The following TMEM26 variants were observed in gnomAD, a reference collection of about 807,000 sequenced individuals.
The protein encoded by TMEM26 is transmembrane protein 26.
A neutral mutation model predicts 28.8 loss-of-function variants in TMEM26; 38 were observed. That is an observed-to-expected ratio of 1.32 (90% CI 1.02 to 1.73). The LOEUF (loss-of-function observed/expected upper bound fraction) is 1.73, where lower values mean the gene tolerates loss of function less well. Among genes scored for constraint, TMEM26 ranks in the 40% most tolerant of loss-of-function variants. The probability of loss-of-function intolerance (pLI) is 0.00; values close to 1 mark genes in which losing one functional copy is unlikely to be tolerated. For synonymous variants in TMEM26, 227 were observed against 182.9 expected, an observed-to-expected ratio of 1.24 and a Z score of -1.95; for missense variants, 518 against 447.1, an observed-to-expected ratio of 1.16 and a Z score of -1.43.
At chr10:61,419,014 C>A (rs1238498583) in intron 4 of TMEM26, among the ~76,000 whole-genome samples, 1 of 152,006 alleles carries the variant, frequency 6.6e-6, no homozygotes, top group Non-Finnish European at 1.5e-5. Flanking sequence ...ATTGACTGAC[C>A]AAAAACTACA....
chr10:61,428,947 G>A lies in TMEM26; in HGVS notation c.584C>T (p.Thr195Ile), dbSNP rs374593137. 4.3e-6 allele frequency: 7 copies of A among 1,612,882 alleles called. No homozygotes were observed. In the African/African-American group the frequency reaches 9.4e-5, roughly 22 times the overall value. ...TCACCTCACATTTTGTTCTTCTAGG[G>A]TCTCACTTGTGAATTCCAGTATGTC... ...AADILEFTSE[T>I]LEEQNVRNSP... The change falls in exon 4 of 6, where the codon ACC (threonine) becomes ATC (isoleucine). Residue 195 changes from threonine (T) to isoleucine (I), a missense_variant. Physicochemically the swap from Thr to Ile is moderately conservative, Grantham distance 89. Transcript: ENST00000399298.
chr10:61,445,663 G>A (rs545323651), intron 1 of TMEM26, among the ~76,000 whole-genome samples: 2 of 150,958 alleles, frequency 1.3e-5, no homozygotes, highest in African/African-American at 4.9e-5. Context: ...ATTTCATAAA[G>A]TGCCTACATT....
At chr10:61,450,709 T>C (rs547423143) in intron 1 of TMEM26, among the ~76,000 whole-genome samples, 1 of 152,168 alleles carries the variant, frequency 6.6e-6, no homozygotes, top group South Asian at 2.1e-4. Flanking sequence ...TTTCCTTGAA[T>C]TCATGTTATA....
chr10:61,422,646 AAGCAGTGCTTACAGGAAAATTCACACTTC>A (rs1216255336), intron 4 of TMEM26, among the ~76,000 whole-genome samples: 1 of 152,172 alleles, frequency 6.6e-6, no homozygotes, highest in African/African-American at 2.4e-5. Context: ...GGTGCAGGCA[AAGCAGTGCTTACAGGAAAATTCACACTTC>A]AGATGTCTGT....
intron 3 of TMEM26, 75 bp downstream of exon 3, chr10:61,431,144 T>C: frequency 8.7e-7 from 1 of 1,152,836 alleles, no homozygotes; most frequent in Non-Finnish European, 1.3e-6. Context: ...GGGAAGCATG[T>C]ATAGCAGGTA....
chr10:61,414,891 C>T, intron 4 of TMEM26: 1 of 728,830 alleles, frequency 1.4e-6, no homozygotes, highest in Non-Finnish European at 1.7e-6. Flanking sequence ...GAAAAAGTCT[C>T]CCATAGTGTC....
chr10:61,429,014 G>A lies in TMEM26; in HGVS notation c.517C>T (p.Gln173Ter). 1.9e-6 allele frequency: 3 copies of A among 1,613,258 alleles called. No homozygotes were observed. The highest frequency in any genetic ancestry group is 2.5e-6 in the Non-Finnish European group (3 of 1,179,420). ...LPIGGGITRD[Q>*]LSQLLLMFVG... ...AACATAAGAAGAAGTTGAGAGAGTT[G>A]ATCTCGAGTGATCCCGCCTCCAATG... is the stretch of plus-strand genomic sequence containing the variant. The change falls in exon 4 of 6, where the codon CAA (glutamine) becomes TAA (stop). Residue 173 changes from glutamine (Q) to a stop codon, truncating the protein, a stop_gained. Coordinates refer to ENST00000399298, the MANE Select transcript of TMEM26 (RefSeq NM_178505.8). LOFTEE classifies it high-confidence loss of function.
rs780724006 is a variant in TMEM26, at chr10:61,442,049, T to C, written c.192-5801A>G. ...AAAAATTCATTTGTTTTGTTTTATT[T>C]GTTTATGAAATATGTATATATATAT... On this transcript the variant is annotated intron_variant, in intron 1 of 5. Transcript: ENST00000399298. Among the ~76,000 whole-genome samples the C allele has an allele frequency of 6.0e-5, 9 of 149,580 alleles. No individual in the cohort carries two copies. In the East Asian group the frequency reaches 1.2e-3, roughly 19 times the overall value.
intron 4 of TMEM26, 27 bp downstream of exon 4, chr10:61,428,899 G>C (rs770610200): frequency 6.3e-7 from 1 of 1,598,270 alleles, no homozygotes. Context: ...CTGAAAACAA[G>C]GTGTTTTTGC....
At chr10:61,416,963 G>A (rs146688106) in intron 4 of TMEM26, among the ~76,000 whole-genome samples, 75 of 152,146 alleles carry the variant, frequency 4.9e-4, no homozygotes, top group African/African-American at 1.8e-3. Flanking sequence ...AAGAATGTGG[G>A]TGTTGAAAAA....
At chr10:61,431,521 G>C (rs187360122) in intron 2 of TMEM26, among the ~76,000 whole-genome samples, 189 bp from the exon 3 acceptor site, 290 of 152,124 alleles carry the variant, frequency 1.9e-3, no homozygotes, top group Non-Finnish European at 1.8e-3. Context: ...AATATGAAAA[G>C]AATGTCAAGT....
chr10:61,452,824 CTGCGAG>C (rs1422367643), intron 1 of TMEM26, 61 bp downstream of exon 1: 4 of 1,530,396 alleles, frequency 2.6e-6, no homozygotes, highest in Non-Finnish European at 2.7e-6. Context: ...GGAAGATGGC[CTGCGAG>C]TGCGGTGGGG....
At chr10:61,411,512 T>G (rs1839569082) in intron 5 of TMEM26, among the ~76,000 whole-genome samples, 1 of 152,230 alleles carries the variant, frequency 6.6e-6, no homozygotes, top group Non-Finnish European at 1.5e-5. Flanking sequence ...GCTGTGAAAA[T>G]TCAAGTGCTT....
intron 3 of TMEM26, among the ~76,000 whole-genome samples, chr10:61,429,519 A>G (rs956896080): frequency 1.3e-5 from 2 of 151,478 alleles, no homozygotes; most frequent in African/African-American, 2.4e-5. Context: ...TATCACAAAA[A>G]CTTCCTATAT....
Position 61,410,747 on chromosome 10 carries a change from C to A in TMEM26, c.683-1G>T. ...GACACAGGGCACACAACGTTCTGTACTGAAAACACAAGACAGACTAGTTAC... is the reference window on the plus strand; with the variant it reads ...GACACAGGGCACACAACGTTCTGTAATGAAAACACAAGACAGACTAGTTAC... On this transcript the variant is annotated splice_acceptor_variant, in intron 5 of 5. Coordinates refer to ENST00000399298, the MANE Select transcript of TMEM26 (RefSeq NM_178505.8). LOFTEE classifies it high-confidence loss of function. The A allele has an allele frequency of 6.2e-7, 1 of 1,613,220 alleles. No homozygotes were observed. Among genetic ancestry groups the A allele is most frequent in the South Asian group, 1.1e-5 (1 of 91,002 alleles).
chr10:61,426,859 G>T (rs1444935716), intron 4 of TMEM26, among the ~76,000 whole-genome samples: 2 of 152,002 alleles, frequency 1.3e-5, no homozygotes, highest in African/African-American at 4.8e-5. Flanking sequence ...ATAGATATTT[G>T]CAGTGTCTAT....
chr10:61,412,974 T>A, intron 5 of TMEM26: 1 of 1,280,958 alleles, frequency 7.8e-7, no homozygotes, highest in Non-Finnish European at 1.0e-6. Context: ...TGCTCCTATG[T>A]CTTCTGAAGT....
At chr10:61,430,306 G>A (rs993742339) in intron 3 of TMEM26, among the ~76,000 whole-genome samples, 1 of 151,992 alleles carries the variant, frequency 6.6e-6, no homozygotes, top group Non-Finnish European at 1.5e-5. Flanking sequence ...ATGTTTTGGT[G>A]ATAGGGGCCT....
intron 4 of TMEM26, among the ~76,000 whole-genome samples, chr10:61,424,634 G>A (rs1839800489): frequency 6.6e-6 from 1 of 152,090 alleles, no homozygotes; most frequent in South Asian, 2.1e-4. Context: ...AATTTTAAAA[G>A]AACAATTTTG....
Sources: allele counts gnomAD v4.1 joint callset (sites outside exome capture counted in the v4.1 genomes callset), GRCh38; gene constraint gnomAD v4.1.1; transcripts MANE v1.5; gene names NCBI Gene and HGNC (gene_info 2026-07-23, HGNC 2026-07-21).